The following TBC1D5 variants were observed in gnomAD, a reference collection of about 807,000 sequenced individuals.
TBC1D5 encodes TBC1 domain family, member 5.
In TBC1D5, 75 loss-of-function variants were observed where a neutral mutation model predicts 100.3. The observed-to-expected ratio is 0.75, with a 90% CI of 0.62 to 0.91. The LOEUF (loss-of-function observed/expected upper bound fraction) is 0.91. Among genes scored for constraint, TBC1D5 ranks in the 40% least tolerant of loss-of-function variants. The pLI is 0.00. For synonymous variants in TBC1D5, 323 were observed against 325.6 expected, an observed-to-expected ratio of 0.99 and a Z score of 0.09; for missense variants, 910 against 942.4, an observed-to-expected ratio of 0.97 and a Z score of 0.45.
chr3:17,306,941 CTT>C (rs2083463334), intron 14 of TBC1D5, among the ~76,000 whole-genome samples: 1 of 152,120 alleles, frequency 6.6e-6, no homozygotes, highest in African/African-American at 2.4e-5. Flanking sequence ...AAGGAAGAAA[CTT>C]TCACTTTGAG....
intron 1 of TBC1D5, among the ~76,000 whole-genome samples, chr3:17,694,416 A>G (rs754980042): frequency 6.6e-6 from 1 of 152,246 alleles, no homozygotes; most frequent in African/African-American, 2.4e-5. Context: ...TGTCATGGAG[A>G]TGAAAACCAT....
At chr3:17,604,682 T>C (rs1367526722) in intron 2 of TBC1D5, among the ~76,000 whole-genome samples, 1 of 152,170 alleles carries the variant, frequency 6.6e-6, no homozygotes, top group Admixed American at 6.5e-5. Context: ...AGAACCATGA[T>C]TTTTTGGTTT....
At chr3:17,165,068 G>C (rs1197211013) in intron 21 of TBC1D5, among the ~76,000 whole-genome samples, 1 of 152,150 alleles carries the variant, frequency 6.6e-6, no homozygotes, top group African/African-American at 2.4e-5. Context: ...ACACGCAGAG[G>C]TGCAGTATCT....
chr3:17,426,821 G>A (rs2094346744), intron 4 of TBC1D5, among the ~76,000 whole-genome samples: 1 of 151,846 alleles, frequency 6.6e-6, no homozygotes, highest in African/African-American at 2.4e-5. Flanking sequence ...AAATGTAATT[G>A]TAAAATACAA....
At chr3:17,460,104 C>T (rs375135013) in intron 3 of TBC1D5, among the ~76,000 whole-genome samples, 1 of 152,146 alleles carries the variant, frequency 6.6e-6, no homozygotes, top group African/African-American at 2.4e-5. Flanking sequence ...GTACTTCAAG[C>T]CAATTCTGTT....
chr3:17,497,578 A>G (rs1480129331), intron 3 of TBC1D5, among the ~76,000 whole-genome samples: 1 of 152,236 alleles, frequency 6.6e-6, no homozygotes, highest in African/African-American at 2.4e-5. Context: ...TCCCTTCAAT[A>G]AAACAAATCT....
intron 18 of TBC1D5, among the ~76,000 whole-genome samples, chr3:17,204,663 G>A (rs1283126615): frequency 1.3e-5 from 2 of 152,164 alleles, no homozygotes; most frequent in African/African-American, 2.4e-5. Flanking sequence ...AAAGGGCACT[G>A]TTCTGCAAAG....
At chr3:17,530,654 C>A (rs967279495) in intron 2 of TBC1D5, among the ~76,000 whole-genome samples, 1 of 152,150 alleles carries the variant, frequency 6.6e-6, no homozygotes, top group Non-Finnish European at 1.5e-5. Context: ...TGGGCTTCAT[C>A]CCTGGGATGC....
intron 13 of TBC1D5, chr3:17,337,618 G>C (rs1432090767): frequency 1.3e-5 from 2 of 152,124 alleles, no homozygotes. Flanking sequence ...ATATTCTGAA[G>C]CTTGTAATCA....
At chr3:17,346,937 T>C (rs2089962973) in intron 13 of TBC1D5, among the ~76,000 whole-genome samples, 1 of 152,224 alleles carries the variant, frequency 6.6e-6, no homozygotes, top group Non-Finnish European at 1.5e-5. Flanking sequence ...AGCTAATTTG[T>C]ATAATATACT....
rs528471633 is a variant in TBC1D5 at position 17,326,535 on chromosome 3, C to T, written c.996-18401G>A. Among the ~76,000 whole-genome samples, 7 of 152,276 alleles carry T rather than the reference C, an allele frequency of 4.6e-5. No homozygotes were observed. In the South Asian group the frequency reaches 1.0e-3, roughly 23 times the overall value. Reference sequence around the variant, plus strand: ...TTGCCCAGGCTGGAGTATAGCTGTACAATCATGGCTTACTGCAGCCTCAAC... The same window carrying T: ...TTGCCCAGGCTGGAGTATAGCTGTATAATCATGGCTTACTGCAGCCTCAAC... On this transcript the variant is annotated intron_variant, in intron 13 of 21. Coordinates refer to ENST00000253692, the Ensembl canonical transcript of TBC1D5.
chr3:17,711,141 G>C (rs2074695548), intron 1 of TBC1D5, among the ~76,000 whole-genome samples: 1 of 152,138 alleles, frequency 6.6e-6, no homozygotes, highest in African/African-American at 2.4e-5. Flanking sequence ...ATGGTCGTAT[G>C]AGGCAATAAA....
intron 14 of TBC1D5, among the ~76,000 whole-genome samples, chr3:17,298,698 A>G (rs2082510487): frequency 6.6e-6 from 1 of 152,236 alleles, no homozygotes; most frequent in Admixed American, 6.5e-5. Flanking sequence ...GTCAGCATTA[A>G]AAATAAATGT....
chr3:17,379,817 T>C (rs2092861010), intron 9 of TBC1D5, among the ~76,000 whole-genome samples: 2 of 151,996 alleles, frequency 1.3e-5, no homozygotes, highest in Admixed American at 1.3e-4. Flanking sequence ...TTAACAACAA[T>C]TAATAAGAAT....
chr3:17,370,250 A>C (rs2092386824), intron 13 of TBC1D5, among the ~76,000 whole-genome samples: 1 of 152,198 alleles, frequency 6.6e-6, no homozygotes, highest in East Asian at 1.9e-4. Context: ...ATTATAAAGC[A>C]TTTCAAAGAA....
chr3:17,701,635 T>C (rs192964256), intron 1 of TBC1D5, among the ~76,000 whole-genome samples: 42 of 151,948 alleles, frequency 2.8e-4, no homozygotes, highest in African/African-American at 9.9e-4. Context: ...CTTTTTTTTT[T>C]AAACAAAGAA....
chr3:17,270,848 C>G (rs1176822999), intron 15 of TBC1D5, among the ~76,000 whole-genome samples: 1 of 152,098 alleles, frequency 6.6e-6, no homozygotes, highest in Admixed American at 6.6e-5. Flanking sequence ...GCCAGTTTTC[C>G]CAGCACCACT....
chr3:17,317,690 G>A (rs1352238020), intron 13 of TBC1D5, among the ~76,000 whole-genome samples: 2 of 152,096 alleles, frequency 1.3e-5, no homozygotes, highest in Non-Finnish European at 2.9e-5. Context: ...ACAACTCAAT[G>A]TTTTAAAATA....
chr3:17,541,643 T>C (rs1472316510), intron 2 of TBC1D5, among the ~76,000 whole-genome samples: 5 of 152,256 alleles, frequency 3.3e-5, no homozygotes, highest in African/African-American at 7.2e-5. Flanking sequence ...TGAACAGAGA[T>C]AATTTTACAC....
Sources: allele counts gnomAD v4.1 joint callset (sites outside exome capture counted in the v4.1 genomes callset), GRCh38; gene constraint gnomAD v4.1.1; transcripts MANE v1.5; gene names NCBI Gene and HGNC (gene_info 2026-07-23, HGNC 2026-07-21).